CCDC85A: variants seen among roughly 807,000 people sequenced by gnomAD.
CCDC85A encodes the protein coiled-coil domain-containing protein 85A.
In CCDC85A, 38 loss-of-function variants were observed where a neutral mutation model predicts 50.2. The ratio of observed to expected loss-of-function variants is 0.76; its 90% CI spans 0.58 to 0.99. CCDC85A has a LOEUF of 0.99. Among genes scored for constraint, CCDC85A ranks in the 50% least tolerant of loss-of-function variants. The pLI is 0.00. For missense variants in CCDC85A, 820 were observed against 742.0 expected (o/e 1.11, Z -1.22); for synonymous variants, 366 against 301.4 (o/e 1.21, Z -2.22).
At chr2:56,345,825 A>G (rs1330236336) in intron 3 of CCDC85A, among the ~76,000 whole-genome samples, 3 of 152,200 alleles carry the variant, frequency 2.0e-5, no homozygotes, top group Non-Finnish European at 4.4e-5. Context: ...TCTAACTATG[A>G]TGTTAGCTGA....
intron 2 of CCDC85A, among the ~76,000 whole-genome samples, chr2:56,200,183 C>A (rs1257695075): frequency 6.6e-6 from 1 of 152,152 alleles, no homozygotes. Flanking sequence ...TGCTTGTTGG[C>A]TGAGTCTTGA....
intron 2 of CCDC85A, among the ~76,000 whole-genome samples, chr2:56,318,282 G>A (rs2104249939): frequency 6.6e-6 from 1 of 152,096 alleles, no homozygotes; most frequent in Middle Eastern, 3.4e-3. Context: ...TCATAGGCTA[G>A]ACCCTAATGA....
At chr2:56,211,334 C>A (rs1247108023) in intron 2 of CCDC85A, among the ~76,000 whole-genome samples, 1 of 152,058 alleles carries the variant, frequency 6.6e-6, no homozygotes, top group African/African-American at 2.4e-5. Flanking sequence ...TTTGCACTTG[C>A]AGAAATATAT....
chr2:56,304,947 A>AC (rs1358020626), intron 2 of CCDC85A, among the ~76,000 whole-genome samples: 46 of 143,536 alleles, frequency 3.2e-4, no homozygotes, highest in African/African-American at 1.0e-3. Context: ...AAAAAACAAA[A>AC]AAAAAAAAAC....
At chr2:56,347,385 G>C (rs1206799634) in intron 3 of CCDC85A, among the ~76,000 whole-genome samples, 1 of 152,124 alleles carries the variant, frequency 6.6e-6, no homozygotes, top group Non-Finnish European at 1.5e-5. Flanking sequence ...GTGTAATTAA[G>C]CTACTAAACC....
intron 2 of CCDC85A, among the ~76,000 whole-genome samples, chr2:56,240,705 C>T (rs1669220142): frequency 6.6e-6 from 1 of 152,120 alleles, no homozygotes; most frequent in East Asian, 1.9e-4. Context: ...TTTTAAGGTT[C>T]ACTGATGTCG....
intron 2 of CCDC85A, among the ~76,000 whole-genome samples, chr2:56,340,916 A>C (rs922776715): frequency 6.6e-6 from 1 of 150,860 alleles, no homozygotes; most frequent in African/African-American, 2.4e-5. Context: ...AGCAGGAATG[A>C]AAGGAAGTAA....
chr2:56,305,933 A>C (rs926906271), intron 2 of CCDC85A, among the ~76,000 whole-genome samples: 19 of 152,170 alleles, frequency 1.2e-4, no homozygotes, highest in African/African-American at 4.6e-4. Flanking sequence ...TTTCTTTTTA[A>C]TTGAACTATA....
intron 3 of CCDC85A, among the ~76,000 whole-genome samples, chr2:56,353,542 A>C (rs1212709850): frequency 6.6e-6 from 1 of 152,196 alleles, no homozygotes; most frequent in African/African-American, 2.4e-5. Flanking sequence ...AAAGCTAACA[A>C]GTGTCAGGAT....
intron 3 of CCDC85A, among the ~76,000 whole-genome samples, chr2:56,356,455 C>T (rs537418356): frequency 4.6e-5 from 7 of 152,276 alleles, no homozygotes; most frequent in Non-Finnish European, 8.8e-5. Flanking sequence ...GTGATGGCAG[C>T]TTAGGTTCTT....
chr2:56,331,738 AAC>A (rs1025492343), intron 2 of CCDC85A, among the ~76,000 whole-genome samples: 5 of 152,236 alleles, frequency 3.3e-5, no homozygotes, highest in Admixed American at 1.3e-4. Context: ...TGTTTCAGAA[AAC>A]ACAGCACTTG....
At chr2:56,381,478 A>T (rs1165751280) in intron 5 of CCDC85A, among the ~76,000 whole-genome samples, 1 of 152,090 alleles carries the variant, frequency 6.6e-6, no homozygotes, top group East Asian at 1.9e-4. Context: ...CTCTGAGTTT[A>T]CCATCAGACC....
At chr2:56,294,264 A>G (rs1349772852) in intron 2 of CCDC85A, among the ~76,000 whole-genome samples, 1 of 152,154 alleles carries the variant, frequency 6.6e-6, no homozygotes, top group Middle Eastern at 3.2e-3. Context: ...AAGGAGGAGA[A>G]CAATACACAC....
At chr2:56,275,995 C>G (rs566958206) in intron 2 of CCDC85A, among the ~76,000 whole-genome samples, 2 of 152,160 alleles carry the variant, frequency 1.3e-5, no homozygotes, top group Non-Finnish European at 2.9e-5. Flanking sequence ...GATGTTTCCT[C>G]ACCCTCTATA....
intron 2 of CCDC85A, among the ~76,000 whole-genome samples, chr2:56,334,633 C>T (rs1474442175): frequency 2.0e-5 from 3 of 151,902 alleles, no homozygotes; most frequent in African/African-American, 7.3e-5. Flanking sequence ...TTTGCAATAT[C>T]TCATTGAGCT....
intron 2 of CCDC85A, among the ~76,000 whole-genome samples, chr2:56,229,717 G>A (rs1423059371): frequency 6.6e-6 from 1 of 152,006 alleles, no homozygotes; most frequent in African/African-American, 2.4e-5. Flanking sequence ...AAAACAGCCG[G>A]ATCTATATGT....
intron 2 of CCDC85A, among the ~76,000 whole-genome samples, chr2:56,313,270 A>T (rs553686123): frequency 6.6e-6 from 1 of 152,140 alleles, no homozygotes; most frequent in South Asian, 2.1e-4. Context: ...TATACATTTC[A>T]GTTTTATTTT....
intron 2 of CCDC85A, among the ~76,000 whole-genome samples, chr2:56,284,652 C>T (rs1222680090): frequency 1.3e-5 from 2 of 152,156 alleles, no homozygotes; most frequent in African/African-American, 2.4e-5. Flanking sequence ...GGATTACAGG[C>T]GTGAGCCACC....
intron 2 of CCDC85A, among the ~76,000 whole-genome samples, chr2:56,313,172 A>G (rs1672772366): frequency 2.0e-5 from 3 of 152,082 alleles, no homozygotes; most frequent in Admixed American, 2.0e-4. Flanking sequence ...CCAGTTGGCG[A>G]CTAGTCATGT....
Sources: allele counts gnomAD v4.1 joint callset (sites outside exome capture counted in the v4.1 genomes callset), GRCh38; gene constraint gnomAD v4.1.1; transcripts MANE v1.5; gene names NCBI Gene and HGNC (gene_info 2026-07-23, HGNC 2026-07-21).